HABP2: variants seen among roughly 807,000 people sequenced by gnomAD.
HABP2 encodes the protein hyaluronan binding protein 2.
A neutral mutation model predicts 66.5 loss-of-function variants in HABP2; 65 were observed. The ratio of observed to expected loss-of-function variants is 0.98; its 90% CI spans 0.80 to 1.20. The LOEUF is 1.20. Ranked by LOEUF, HABP2 falls within the 50% of genes most tolerant of loss-of-function variation. HABP2 has a pLI of 0.00. For missense variants in HABP2, 786 were observed against 691.0 expected (o/e 1.14, Z -1.54); for synonymous variants, 263 against 253.9 (o/e 1.04, Z -0.34).
intron 1 of HABP2, among the ~76,000 whole-genome samples, chr10:113,553,617 G>A (rs1385723443): frequency 1.3e-5 from 2 of 152,262 alleles, no homozygotes; most frequent in Admixed American, 6.5e-5. Context: ...AAGAAGCAAT[G>A]TGCTATGGCC....
intron 1 of HABP2, among the ~76,000 whole-genome samples, chr10:113,559,610 C>T (rs1331819041): frequency 6.6e-6 from 1 of 152,244 alleles, no homozygotes; most frequent in African/African-American, 2.4e-5. Context: ...ACCTCAGACC[C>T]ATGGACGCCA....
Position 113,577,284 on chromosome 10 carries a change from C to T in HABP2, c.448+18C>T, listed in dbSNP as rs1292406451. On this transcript the variant is annotated intron_variant, in intron 5 of 12. Coordinates refer to ENST00000351270, the MANE Select transcript of HABP2 (RefSeq NM_004132.5). ...CTCCCAAGGTAAGTGGTGGAGGCCC[C>T]TTCGACGCTAGACTTTCTGTGCCCT... 3.2e-6 allele frequency: 4 copies of T among 1,265,846 alleles called. No homozygotes were observed. Among genetic ancestry groups the T allele is most frequent in the Admixed American group, 3.4e-5 (2 of 59,546 alleles). 78.4% of individuals were successfully genotyped at this position (1,265,846 alleles called of 1,614,324 possible).
chr10:113,568,387 A>G (rs1277902593), intron 2 of HABP2, among the ~76,000 whole-genome samples: 1 of 152,244 alleles, frequency 6.6e-6, no homozygotes, highest in East Asian at 1.9e-4. Flanking sequence ...TTTATTTGGC[A>G]CAAAGATGGC....
chr10:113,572,052 G>A (rs1163153841), intron 2 of HABP2, among the ~76,000 whole-genome samples: 1 of 152,246 alleles, frequency 6.6e-6, no homozygotes, highest in Non-Finnish European at 1.5e-5. Flanking sequence ...AAGGATCTTT[G>A]TGACTTTCCT....
chr10:113,574,389 C>T lies in HABP2; in HGVS notation c.207C>T (p.Tyr69=), dbSNP rs139478887. The stretch of plus-strand genomic sequence containing the variant: ...ACGCTGAGAATCCTGACTGGTACTA[C>T]ACTGAGGACCAAGCTGGTAGGTACC... The part of the protein sequence containing the change: ...LTHAENPDWY[Y]TEDQADPCQP... The change falls in exon 3 of 13, where the codon TAC becomes TAT. Residue 69 remains tyrosine (Y), a synonymous_variant. Coordinates refer to ENST00000351270, the MANE Select transcript of HABP2 (RefSeq NM_004132.5). 6.2e-4 allele frequency: 938 copies of T among 1,523,764 alleles called. 1 individual carries two copies. The highest frequency in any genetic ancestry group is 8.0e-4 in the Non-Finnish European group (878 of 1,096,730). The allele number at this position is 1,523,764 out of a possible 1,614,324, so 94.4% of individuals were successfully genotyped here. A position where few individuals can be genotyped will look rare whatever the true frequency, so the allele number is the denominator to read the frequency against.
chr10:113,586,866 G>A (rs184287743), intron 12 of HABP2, among the ~76,000 whole-genome samples: 47 of 152,248 alleles, frequency 3.1e-4, no homozygotes, highest in African/African-American at 1.1e-3. Flanking sequence ...ACTCACTTTG[G>A]GATGGGACAT....
intron 6 of HABP2, 120 bp downstream of exon 6, chr10:113,578,265 C>T: frequency 9.2e-7 from 1 of 1,088,928 alleles, no homozygotes; most frequent in East Asian, 2.4e-5. Context: ...TTGCCTCAGC[C>T]TTCTCACCTA....
chr10:113,578,006 C>A lies in HABP2; in HGVS notation c.449-20C>A, dbSNP rs766481694. 4.3e-6 allele frequency: 7 copies of A among 1,612,838 alleles called. No individual in the cohort carries two copies. Among genetic ancestry groups the A allele is most frequent in the Non-Finnish European group, 5.1e-6 (6 of 1,179,558 alleles). ...AACTCCTTCTGAAGAGCCTTCCTGG[C>A]CCCATTCCTGTGTTCACAGTGGTTC... On this transcript the variant is annotated intron_variant, in intron 5 of 12. Coordinates refer to ENST00000351270, the MANE Select transcript of HABP2 (RefSeq NM_004132.5).
At position 113,580,687 on chromosome 10, in the gene HABP2, C is replaced by G. The variant is rs1845510219; in HGVS notation, c.833C>G (p.Ala278Gly). 6.5e-7 allele frequency: 1 copy of G among 1,548,448 alleles called. No individual in the cohort carries two copies. Among genetic ancestry groups the G allele is most frequent in the Non-Finnish European group, 8.9e-7 (1 of 1,120,258 alleles). ...TACTGTGATGTCTCAGCCTGCTCAG[C>G]CCAGGGTAAAGGCCATGGCTGTTCA... ...WEYCDVSACS[A>G]QDVAYPEESP... Residue 278 changes from alanine to glycine, a missense_variant, in exon 8 of 13, where the codon GCC becomes GGC. Physicochemically the swap from Ala to Gly is moderately conservative, Grantham distance 60 (BLOSUM62 0). Coordinates refer to ENST00000351270, the MANE Select transcript of HABP2 (RefSeq NM_004132.5).
intron 7 of HABP2, among the ~76,000 whole-genome samples, chr10:113,579,487 T>C (rs899232572): frequency 2.0e-5 from 3 of 152,190 alleles, no homozygotes; most frequent in African/African-American, 7.2e-5. Context: ...CCCACGTAAC[T>C]TCTAGGCAGA....
upstream of HABP2, among the ~76,000 whole-genome samples, chr10:113,551,901 G>T (rs1844905548): frequency 6.6e-6 from 1 of 152,048 alleles, no homozygotes; most frequent in African/African-American, 2.4e-5. Flanking sequence ...ATAGGAGGCG[G>T]GGTGGGGGGA....
At chr10:113,583,938 A>G (rs976342124) in intron 10 of HABP2, among the ~76,000 whole-genome samples, 1 of 152,180 alleles carries the variant, frequency 6.6e-6, no homozygotes, top group African/African-American at 2.4e-5. Context: ...TTCAAAGTCA[A>G]TTGTCATTTC....
intron 2 of HABP2, among the ~76,000 whole-genome samples, chr10:113,573,605 C>T (rs1434328344): frequency 6.6e-6 from 1 of 152,226 alleles, no homozygotes; most frequent in Non-Finnish European, 1.5e-5. Context: ...CAATCTCTGT[C>T]AGCCTCAGGT....
intron 3 of HABP2, among the ~76,000 whole-genome samples, chr10:113,574,935 GTGTA>G (rs1845381921): frequency 1.3e-5 from 2 of 151,932 alleles, no homozygotes; most frequent in South Asian, 2.1e-4. Context: ...GATTGTGTGT[GTGTA>G]TGTGTGCATA....
At chr10:113,581,817 C>A (rs1845539276) in intron 8 of HABP2, 59 bp from the exon 9 acceptor site, 2 of 1,575,756 alleles carry the variant, frequency 1.3e-6, no homozygotes, top group Non-Finnish European at 1.7e-6. Context: ...CTGCCTGAGC[C>A]CTGCTGAGGA....
rs1425098161 is a variant in HABP2, at chr10:113,588,841, TTA to T, written c.*474_*475del. 1.1e-5 allele frequency: 8 copies of T among 698,962 alleles called. No individual in the cohort carries two copies. Among genetic ancestry groups the T allele is most frequent in the Non-Finnish European group, 1.8e-5 (7 of 391,498 alleles). 43.3% of individuals were successfully genotyped at this position (698,962 alleles called of 1,614,324 possible). On this transcript the variant is annotated 3_prime_UTR_variant, in exon 13 of 13. Transcript: ENST00000351270. ...CAACATTCTCCATCTGCTTTCAGAGTTATTATTTTAATAAAGGAAGATCTGGG... is the reference window on the plus strand; with the variant it reads ...CAACATTCTCCATCTGCTTTCAGAGTTTATTTTAATAAAGGAAGATCTGGG...
At chr10:113,587,183 G>C (rs1845655748) in intron 12 of HABP2, among the ~76,000 whole-genome samples, 1 of 152,162 alleles carries the variant, frequency 6.6e-6, no homozygotes, top group Non-Finnish European at 1.5e-5. Context: ...AGGTGGACAT[G>C]GTGGCACATG....
In HABP2 at chr10:113,559,701, C is replaced by T. The variant is rs976348158; in HGVS notation, c.69+6511C>T. ...TCTTATGCACATTGAGGTTTAAGAA[C>T]CAATGTCTTTAAAATGGAAATTCTC... On this transcript the variant is annotated intron_variant, in intron 1 of 12. Transcript: ENST00000351270. Among the ~76,000 whole-genome samples, 3 of 152,212 alleles carry T rather than the reference C, an allele frequency of 2.0e-5. No homozygotes were observed. In the South Asian group the frequency reaches 6.2e-4, roughly 32 times the overall value.
rs1205944878 is a variant in HABP2 at position 113,553,085 on chromosome 10, T to G, written c.-37T>G. On this transcript the variant is annotated 5_prime_UTR_variant, in exon 1 of 13. Transcript: ENST00000351270. ...AAAGGCATAGACAACAAAAGAAATTTTATTGAGAGGAAAACACAAGTCCTT... is the reference window on the plus strand; with the variant it reads ...AAAGGCATAGACAACAAAAGAAATTGTATTGAGAGGAAAACACAAGTCCTT... 1.9e-6 allele frequency: 3 copies of G among 1,548,328 alleles called. No homozygotes were observed. Among genetic ancestry groups the G allele is most frequent in the South Asian group, 2.2e-5 (2 of 89,568 alleles).
Sources: allele counts gnomAD v4.1 joint callset (sites outside exome capture counted in the v4.1 genomes callset), GRCh38; gene constraint gnomAD v4.1.1; transcripts MANE v1.5; gene names NCBI Gene and HGNC (gene_info 2026-07-23, HGNC 2026-07-21).